The following LDLRAD4 variants were observed in gnomAD, a reference collection of about 807,000 sequenced individuals.
The protein encoded by LDLRAD4 is low-density lipoprotein receptor class A domain-containing protein 4.
A neutral mutation model predicts 17.0 loss-of-function variants in LDLRAD4; 5 were observed. That is an observed-to-expected ratio of 0.29 (90% CI 0.15 to 0.62). The LOEUF (loss-of-function observed/expected upper bound fraction) is 0.62. LDLRAD4 is among the 20% of genes least tolerant of loss of function. The pLI is 0.84. For missense variants in LDLRAD4, 340 were observed against 424.7 expected, an observed-to-expected ratio of 0.80 and a Z score of 1.75; for synonymous variants, 168 against 171.8, an observed-to-expected ratio of 0.98 and a Z score of 0.17.
chr18:13,498,357 C>T (rs1381229181), intron 3 of LDLRAD4, among the ~76,000 whole-genome samples: 5 of 150,960 alleles, frequency 3.3e-5, no homozygotes, highest in Non-Finnish European at 7.4e-5. Flanking sequence ...TCTCCCCACA[C>T]ACATCCCGCC....
At chr18:13,619,053 T>C (rs2040339959) in intron 3 of LDLRAD4, among the ~76,000 whole-genome samples, 1 of 152,212 alleles carries the variant, frequency 6.6e-6, no homozygotes, top group African/African-American at 2.4e-5. Context: ...CCCATGCAGC[T>C]GGGCAGAGCC....
intron 3 of LDLRAD4, chr18:13,520,155 A>G (rs1255795627): frequency 6.6e-6 from 1 of 152,164 alleles, no homozygotes; most frequent in Non-Finnish European, 1.5e-5. Context: ...GGGCAATGAA[A>G]TGTTGCTGGT....
At chr18:13,265,979 C>T (rs1355073314) in intron 1 of LDLRAD4, among the ~76,000 whole-genome samples, 2 of 152,148 alleles carry the variant, frequency 1.3e-5, no homozygotes, top group Non-Finnish European at 2.9e-5. Context: ...AGGTTTAGAG[C>T]TCTGGTTTTA....
intron 3 of LDLRAD4, among the ~76,000 whole-genome samples, chr18:13,607,521 AC>A (rs2148678037): frequency 6.6e-6 from 1 of 152,166 alleles, no homozygotes; most frequent in South Asian, 2.1e-4. Context: ...GGTTTGCTGC[AC>A]CTCTCAACCC....
At chr18:13,351,730 T>C (rs2083046905) in intron 1 of LDLRAD4, among the ~76,000 whole-genome samples, 1 of 152,028 alleles carries the variant, frequency 6.6e-6, no homozygotes, top group Non-Finnish European at 1.5e-5. Context: ...TCCTAACAAT[T>C]GAAAAGAAGG....
intron 1 of LDLRAD4, among the ~76,000 whole-genome samples, chr18:13,298,133 G>A (rs1375461997): frequency 6.6e-6 from 1 of 152,228 alleles, no homozygotes; most frequent in Non-Finnish European, 1.5e-5. Flanking sequence ...GCAGGGCTCT[G>A]GTTCCAGGGT....
At chr18:13,534,150 C>T (rs1557306) in intron 3 of LDLRAD4, among the ~76,000 whole-genome samples, 38,974 of 152,120 alleles carry the variant, frequency 0.26, 5,676 homozygotes, top group Middle Eastern at 0.37. Context: ...GTTTCATAGG[C>T]GATTGGTTCA....
intron 2 of LDLRAD4, chr18:13,426,011 T>A (rs2145938363): frequency 6.5e-6 from 1 of 152,874 alleles, no homozygotes; most frequent in East Asian, 1.9e-4. Flanking sequence ...TGGGGACGGA[T>A]GGCCCATGGC....
rs567622945 is a variant in LDLRAD4 at position 13,367,877 on chromosome 18, C to A, written c.-382-19464C>A. ...CAAGGGGTGTATCGAGAGGGGACGACTGGGCATGGGGGCGTGTGCCTGTGG... is the reference window on the plus strand; with the variant it reads ...CAAGGGGTGTATCGAGAGGGGACGAATGGGCATGGGGGCGTGTGCCTGTGG... On this transcript the variant is annotated intron_variant, in intron 1 of 5. Coordinates refer to ENST00000359446, the Ensembl canonical transcript of LDLRAD4. The surrounding 1 kb of genome is among the most constrained non-coding windows in gnomAD (Gnocchi z 4.1). Among the ~76,000 whole-genome samples the A allele has an allele frequency of 1.1e-3, 173 of 151,836 alleles. 1 individual carries two copies. Among genetic ancestry groups the A allele is most frequent in the African/African-American group, 4.1e-3 (170 of 41,398 alleles).
chr18:13,539,785 G>A (rs2094249743), intron 3 of LDLRAD4, among the ~76,000 whole-genome samples: 1 of 152,090 alleles, frequency 6.6e-6, no homozygotes, highest in African/African-American at 2.4e-5. Flanking sequence ...AACAGGTAAA[G>A]AATTCACTGT....
intron 3 of LDLRAD4, among the ~76,000 whole-genome samples, chr18:13,592,960 C>T (rs2095047251): frequency 6.6e-6 from 1 of 152,174 alleles, no homozygotes; most frequent in African/African-American, 2.4e-5. Flanking sequence ...AAAGTGTATT[C>T]TTAAATTTAC....
At chr18:13,430,285 G>A (rs2090241429) in intron 2 of LDLRAD4, among the ~76,000 whole-genome samples, 1 of 152,238 alleles carries the variant, frequency 6.6e-6, no homozygotes, top group African/African-American at 2.4e-5. Flanking sequence ...GTCAGTGGGC[G>A]ACGTGGAGCT....
At chr18:13,564,417 G>A (rs1395695576) in intron 3 of LDLRAD4, among the ~76,000 whole-genome samples, 2 of 151,696 alleles carry the variant, frequency 1.3e-5, no homozygotes, top group African/African-American at 2.4e-5. Flanking sequence ...CCCAGCGCTC[G>A]CCTTTGCCAG....
intron 3 of LDLRAD4, among the ~76,000 whole-genome samples, chr18:13,507,429 C>T (rs1323534617): frequency 6.6e-6 from 1 of 152,214 alleles, no homozygotes; most frequent in Non-Finnish European, 1.5e-5. Context: ...CTTAGTTTTT[C>T]ATTCCTGAGA....
chr18:13,325,013 G>A (rs1469062570), intron 1 of LDLRAD4, among the ~76,000 whole-genome samples: 1 of 152,164 alleles, frequency 6.6e-6, no homozygotes, highest in Non-Finnish European at 1.5e-5. Flanking sequence ...ATAGAGTAGA[G>A]GAAGAAGTCA....
intron 3 of LDLRAD4, chr18:13,472,025 G>A (rs920392079): frequency 6.6e-6 from 1 of 152,262 alleles, no homozygotes; most frequent in African/African-American, 2.4e-5. Flanking sequence ...ACTCTTAATT[G>A]TAGGCAGAAG....
chr18:13,608,684 G>T (rs2095247938), intron 3 of LDLRAD4, among the ~76,000 whole-genome samples: 1 of 152,138 alleles, frequency 6.6e-6, no homozygotes, highest in Non-Finnish European at 1.5e-5. Context: ...TCAACTGGTA[G>T]CCGATCCTTA....
intron 1 of LDLRAD4, among the ~76,000 whole-genome samples, chr18:13,231,469 A>C (rs2042071399): frequency 6.6e-6 from 1 of 152,136 alleles, no homozygotes; most frequent in Non-Finnish European, 1.5e-5. Context: ...GTTTCCTCCC[A>C]TCTTTGTCGA....
chr18:13,294,181 C>T (rs1436368465), intron 1 of LDLRAD4, among the ~76,000 whole-genome samples: 1 of 152,228 alleles, frequency 6.6e-6, no homozygotes. Flanking sequence ...GTTAATTAAC[C>T]TCCGGTGATT....
Sources: allele counts gnomAD v4.1 joint callset (sites outside exome capture counted in the v4.1 genomes callset), GRCh38; gene constraint gnomAD v4.1.1; non-coding constraint Gnocchi (gnomAD v3.1); transcripts MANE v1.5; gene names NCBI Gene and HGNC (gene_info 2026-07-23, HGNC 2026-07-21).